FBLN2: variants seen among roughly 807,000 people sequenced by gnomAD.
The protein encoded by FBLN2 is fibulin 2, also known as fibulin-2.
FBLN2 carries 81 observed loss-of-function variants against 123.7 expected under a neutral mutation model. The ratio of observed to expected loss-of-function variants is 0.65; its 90% confidence interval spans 0.55 to 0.79. The LOEUF (loss-of-function observed/expected upper bound fraction) is 0.79, where lower values mean the gene tolerates loss of function less well. Among genes scored for constraint, FBLN2 ranks in the 30% least tolerant of loss-of-function variants. The probability of loss-of-function intolerance (pLI) is 0.00; values close to 1 mark genes in which losing one functional copy is unlikely to be tolerated. For synonymous variants in FBLN2, 699 were observed against 701.4 expected (o/e 1.00, Z 0.05); for missense variants, 1,603 against 1,681.3 (o/e 0.95, Z 0.81).
Position 13,555,564 on chromosome 3 carries a change from C to A in FBLN2, c.-42+6356C>A, listed in dbSNP as rs58338210. On this transcript the variant is annotated intron_variant, in intron 1 of 17. Transcript: ENST00000404922. ...CCGCCTCCCAGGTTCATACCATTCT[C>A]CTGCCTCAGCCTCCCGAGTAGCTGG... Among the ~76,000 whole-genome samples, 1,408 of 152,220 alleles carry A rather than the reference C, an allele frequency of 9.2e-3. 24 individuals carry two copies. Among genetic ancestry groups the A allele is most frequent in the African/African-American group, 0.032 (1,347 of 41,516 alleles).
chr3:13,608,260 C>G (rs1705273503), intron 3 of FBLN2, 87 bp downstream of exon 3: 1 of 943,226 alleles, frequency 1.1e-6, no homozygotes, highest in Non-Finnish European at 1.6e-6. Context: ...TCCAGGCAGC[C>G]CGGAGAGAGT....
intron 1 of FBLN2, among the ~76,000 whole-genome samples, chr3:13,569,896 C>T (rs952059798): frequency 1.3e-5 from 2 of 151,972 alleles, no homozygotes; most frequent in African/African-American, 4.8e-5. Context: ...GGTGAGACAG[C>T]GTGTGTAACT....
In FBLN2 at chr3:13,561,501, C is replaced by T. The variant is rs144732837; in HGVS notation, c.-41-8814C>T. Among the ~76,000 whole-genome samples the T allele has an allele frequency of 1.5e-4, 23 of 152,270 alleles. No homozygotes were observed. The East Asian group carries it at 1.9e-3, about 13-fold the overall frequency. ...ACTCTCTTCCTCCTTCCCTGCATGC[C>T]GGCTGCAGTGTGTCAGGCTGGTTTC... On this transcript the variant is annotated intron_variant, in intron 1 of 17. Transcript: ENST00000404922.
intron 1 of FBLN2, among the ~76,000 whole-genome samples, chr3:13,562,244 G>A (rs1703629550): frequency 6.6e-6 from 1 of 151,830 alleles, no homozygotes; most frequent in Admixed American, 6.6e-5. Context: ...CTTCAGTGCA[G>A]TTCTTCTTCC....
intron 2 of FBLN2, among the ~76,000 whole-genome samples, chr3:13,594,950 T>C (rs1171904779): frequency 1.3e-5 from 2 of 152,226 alleles, no homozygotes; most frequent in African/African-American, 4.8e-5. Context: ...TCTTTGATGC[T>C]TGGCTCAGGA....
chr3:13,592,062 G>A (rs930175186), intron 2 of FBLN2, among the ~76,000 whole-genome samples: 1 of 133,700 alleles, frequency 7.5e-6, no homozygotes, highest in Admixed American at 8.3e-5. Context: ...TCTCACTCTT[G>A]CCCAGGCTGG....
intron 1 of FBLN2, among the ~76,000 whole-genome samples, chr3:13,564,927 A>G (rs1392823029): frequency 1.3e-5 from 2 of 152,094 alleles, no homozygotes; most frequent in Admixed American, 6.5e-5. Context: ...CAGAGCGAGG[A>G]GCTTGTGGCC....
intron 1 of FBLN2, among the ~76,000 whole-genome samples, chr3:13,568,175 A>G (rs1574947816): frequency 6.6e-6 from 1 of 151,788 alleles, no homozygotes; most frequent in South Asian, 2.1e-4. Context: ...GCTCCCTAGC[A>G]CTCCGCCGGC....
At chr3:13,556,376 G>A (rs1227678788) in intron 1 of FBLN2, among the ~76,000 whole-genome samples, 1 of 143,526 alleles carries the variant, frequency 7.0e-6, no homozygotes, top group Non-Finnish European at 1.5e-5. Context: ...GGGAGGGAGG[G>A]AGAGCTAGTG....
chr3:13,565,995 C>T (rs954376833), intron 1 of FBLN2, among the ~76,000 whole-genome samples: 1 of 152,230 alleles, frequency 6.6e-6, no homozygotes, highest in African/African-American at 2.4e-5. Context: ...GGAGAGGCTG[C>T]AGTGGTTTTA....
intron 2 of FBLN2, among the ~76,000 whole-genome samples, chr3:13,580,121 TC>T (rs750135447): frequency 5.9e-4 from 90 of 152,312 alleles, no homozygotes; most frequent in South Asian, 2.1e-3. Flanking sequence ...AGCTTGTTGT[TC>T]CCCGGCTGGG....
chr3:13,589,031 AAG>A (rs1704590439), intron 2 of FBLN2, among the ~76,000 whole-genome samples: 1 of 152,220 alleles, frequency 6.6e-6, no homozygotes, highest in Non-Finnish European at 1.5e-5. Context: ...ATAATAATGA[AAG>A]AGAGAATTCA....
Position 13,637,789 on chromosome 3 carries a change from T to C in FBLN2, c.3566T>C (p.Val1189Ala). Residue 1189 changes from valine (V) to alanine (A), a missense_variant, in exon 18 of 18, where the codon GTC (valine) becomes GCC (alanine). By Grantham distance (64) the Val-to-Ala change is moderately conservative (BLOSUM62 0). Coordinates refer to ENST00000404922, the MANE Select transcript of FBLN2 (RefSeq NM_001004019.2). ...AGGCTCAATGCCTACACGGGTGTGG[T>C]CTACCTGCAGCGGGCCGTGCTGGAG... is the stretch of plus-strand genomic sequence containing the variant. ...TRRLNAYTGV[V>A]YLQRAVLEPR... 6.2e-7 allele frequency: 1 copy of C among 1,613,928 alleles called. No individual in the cohort carries two copies.
In FBLN2 at chr3:13,629,937, G is replaced by A. The variant is rs771779165; in HGVS notation, c.2960G>A (p.Arg987His). The A allele has an allele frequency of 1.5e-5, 24 of 1,610,204 alleles. No individual in the cohort carries two copies. Among genetic ancestry groups the A allele is most frequent in the African/African-American group, 5.3e-5 (4 of 74,886 alleles). The change falls in exon 14 of 18, where the codon CGC becomes CAC. Residue 987 changes from arginine to histidine, a missense_variant. Physicochemically the swap from Arg to His is conservative, Grantham distance 29 (BLOSUM62 0). Coordinates refer to ENST00000404922, the MANE Select transcript of FBLN2 (RefSeq NM_001004019.2). ...TTCCTGCTAGCAGCGGACGGCAAGCGCTGTGAAGGTAGGCTGGCCCTCATC... is the reference window on the plus strand; with the variant it reads ...TTCCTGCTAGCAGCGGACGGCAAGCACTGTGAAGGTAGGCTGGCCCTCATC... ...SGFLLAADGK[R>H]CEDVNECEAQ...
intron 5 of FBLN2, among the ~76,000 whole-genome samples, chr3:13,617,822 A>AT (rs2124892553): frequency 7.3e-6 from 1 of 137,842 alleles, no homozygotes; most frequent in Admixed American, 7.4e-5. Context: ...TCACCCATCC[A>AT]TCCACCCATC....
At chr3:13,563,652 A>C (rs1703669251) in intron 1 of FBLN2, among the ~76,000 whole-genome samples, 1 of 152,244 alleles carries the variant, frequency 6.6e-6, no homozygotes, top group Non-Finnish European at 1.5e-5. Flanking sequence ...GACAGTGCGC[A>C]GCTCACATAT....
In FBLN2 at chr3:13,626,531, G is replaced by A. The variant is rs1453749675; in HGVS notation, c.2383G>A (p.Ala795Thr). The change falls in exon 10 of 18, where the codon GCA becomes ACA. Residue 795 changes from alanine (A) to threonine (T), a missense_variant. By Grantham distance (58) the Ala-to-Thr change is moderately conservative (BLOSUM62 0). Coordinates refer to ENST00000404922, the MANE Select transcript of FBLN2 (RefSeq NM_001004019.2). ...NTLGSFHCYK[A>T]LTCEPGYALK... ...ACTGGGCTCCTTCCACTGCTACAAG[G>A]CACTCACCTGTGAGCCAGGCTATGC... The A allele has an allele frequency of 8.4e-6, 13 of 1,556,744 alleles. No individual in the cohort carries two copies. The highest frequency in any genetic ancestry group is 3.9e-5 in the Admixed American group (2 of 51,718).
chr3:13,617,138 T>TC (rs1559420946), intron 5 of FBLN2, among the ~76,000 whole-genome samples: 236 of 102,748 alleles, frequency 2.3e-3, no homozygotes, highest in African/African-American at 0.015. Flanking sequence ...GCCCATCCAT[T>TC]CATCAATCCA....
intron 2 of FBLN2, among the ~76,000 whole-genome samples, chr3:13,573,259 G>A (rs1704022081): frequency 6.6e-6 from 1 of 152,040 alleles, no homozygotes; most frequent in Non-Finnish European, 1.5e-5. Context: ...AATTCCCTCT[G>A]GCTAAGGGGC....
Sources: gnomAD v4.1 joint callset for allele counts (sites outside exome capture counted in the v4.1 genomes callset) on GRCh38, gnomAD v4.1.1 for gene constraint, MANE v1.5 for transcripts, NCBI Gene and HGNC (gene_info 2026-07-23, HGNC 2026-07-21) for gene names.